Variants in IQCM observed in about 807,000 individuals in gnomAD.
IQCM encodes IQ domain-containing protein M.
Under a neutral mutation model 57.6 loss-of-function variants are expected in IQCM, and 45 were observed. The ratio of observed to expected loss-of-function variants is 0.78; its 90% CI spans 0.62 to 1.00. IQCM has a LOEUF of 1.00. Ranked by LOEUF, IQCM falls within the 50% of genes least tolerant of loss-of-function variation. The probability of loss-of-function intolerance (pLI) is 0.00; values close to 1 mark genes in which losing one functional copy is unlikely to be tolerated. For missense variants in IQCM, 468 were observed against 511.6 expected (o/e 0.91, Z 0.82); for synonymous variants, 148 against 158.9 (o/e 0.93, Z 0.51).
At chr4:149,774,037 T>C (rs532859961) in intron 2 of IQCM, among the ~76,000 whole-genome samples, 3 of 152,228 alleles carry the variant, frequency 2.0e-5, no homozygotes, top group Non-Finnish European at 4.4e-5. Flanking sequence ...ACATGGCTGA[T>C]TCTTTGTGCT....
chr4:149,774,629 T>C (rs1330791529), intron 2 of IQCM, among the ~76,000 whole-genome samples: 1 of 152,028 alleles, frequency 6.6e-6, no homozygotes, highest in East Asian at 1.9e-4. Flanking sequence ...CCTCTGCATA[T>C]ATACCTGGCT....
intron 12 of IQCM, among the ~76,000 whole-genome samples, chr4:149,530,565 AG>A (rs1388257741): frequency 1.3e-5 from 2 of 152,190 alleles, no homozygotes; most frequent in Non-Finnish European, 2.9e-5. Flanking sequence ...ATCATGGCAA[AG>A]GGACTGGAAA....
intron 12 of IQCM, among the ~76,000 whole-genome samples, chr4:149,462,893 T>C (rs566814628): frequency 6.6e-6 from 1 of 152,274 alleles, no homozygotes; most frequent in East Asian, 1.9e-4. Flanking sequence ...CTGCAGAGAA[T>C]GATTAGGCAA....
chr4:149,393,271 T>C (rs548552280), intron 13 of IQCM, among the ~76,000 whole-genome samples: 3 of 152,050 alleles, frequency 2.0e-5, no homozygotes, highest in South Asian at 2.1e-4. Flanking sequence ...AATATAATGA[T>C]TGAAATTATA....
chr4:149,459,321 T>G (rs528970388), intron 12 of IQCM, among the ~76,000 whole-genome samples: 1 of 152,240 alleles, frequency 6.6e-6, no homozygotes, highest in Non-Finnish European at 1.5e-5. Context: ...TGCCTGGCAC[T>G]TGGCAGGTAA....
At chr4:149,431,572 C>T (rs1010774431) in intron 13 of IQCM, among the ~76,000 whole-genome samples, 1 of 151,946 alleles carries the variant, frequency 6.6e-6, no homozygotes, top group Non-Finnish European at 1.5e-5. Flanking sequence ...TATGTCATCG[C>T]TATCATAATC....
chr4:149,704,316 C>T (rs1763993645), intron 5 of IQCM, among the ~76,000 whole-genome samples: 1 of 151,788 alleles, frequency 6.6e-6, no homozygotes, highest in Non-Finnish European at 1.5e-5. Flanking sequence ...CATATGATAC[C>T]AATGGGTTAG....
chr4:149,781,852 A>G (rs1487456240), intron 2 of IQCM, among the ~76,000 whole-genome samples: 2 of 152,202 alleles, frequency 1.3e-5, no homozygotes, highest in Non-Finnish European at 2.9e-5. Flanking sequence ...AAGGTCATGA[A>G]AAACCTCCAA....
chr4:149,656,666 G>GA (rs1759662859), intron 7 of IQCM, among the ~76,000 whole-genome samples: 1 of 152,024 alleles, frequency 6.6e-6, no homozygotes, highest in African/African-American at 2.4e-5. Context: ...AGAAGACCGG[G>GA]AAAAACAACA....
chr4:149,663,099 C>T (rs1463612018), intron 7 of IQCM, among the ~76,000 whole-genome samples: 1 of 151,894 alleles, frequency 6.6e-6, no homozygotes, highest in Non-Finnish European at 1.5e-5. Context: ...TACTATGGAA[C>T]TAACATAAAG....
intron 12 of IQCM, among the ~76,000 whole-genome samples, chr4:149,503,717 CA>C (rs1030614843): frequency 8.6e-5 from 13 of 151,698 alleles, no homozygotes; most frequent in African/African-American, 3.1e-4. Flanking sequence ...ATGAAATAGA[CA>C]AAAAATTTTT....
At chr4:149,557,136 G>A (rs1485880396) in intron 10 of IQCM, among the ~76,000 whole-genome samples, 1 of 152,138 alleles carries the variant, frequency 6.6e-6, no homozygotes, top group Non-Finnish European at 1.5e-5. Context: ...TGTCTCTGAT[G>A]TGAGCTCACC....
intron 12 of IQCM, among the ~76,000 whole-genome samples, chr4:149,443,255 G>C (rs752253059): frequency 1.3e-4 from 20 of 151,932 alleles, no homozygotes; most frequent in Non-Finnish European, 2.8e-4. Flanking sequence ...ATCGAATCTA[G>C]AAAATATCTT....
At chr4:149,546,671 G>GT (rs1357983317) in intron 12 of IQCM, among the ~76,000 whole-genome samples, 1 of 152,054 alleles carries the variant, frequency 6.6e-6, no homozygotes, top group African/African-American at 2.4e-5. Context: ...GGGGTTGTTT[G>GT]TTTTTTTCTT....
intron 10 of IQCM, among the ~76,000 whole-genome samples, chr4:149,558,075 G>A (rs988791376): frequency 6.6e-6 from 1 of 152,034 alleles, no homozygotes; most frequent in African/African-American, 2.4e-5. Context: ...GCACATTCTG[G>A]TTTTCTTCTT....
At position 149,762,933 on chromosome 4, in the gene IQCM, T is replaced by C. The variant is rs542639342; in HGVS notation, c.-48-20194A>G. 2.6e-5 allele frequency among the ~76,000 whole-genome samples: 4 copies of C among 152,180 alleles called. No individual in the cohort carries two copies. In the South Asian group the frequency reaches 6.2e-4, roughly 24 times the overall value. Reference sequence around the variant, plus strand: ...AACGTGTTAAATTTAAATACATATTTACATGAGGTGCACACATCCTCATGT... The same window carrying C: ...AACGTGTTAAATTTAAATACATATTCACATGAGGTGCACACATCCTCATGT... On this transcript the variant is annotated intron_variant, in intron 2 of 13. Transcript: ENST00000636793.
At chr4:149,789,344 C>T (rs758307609) in intron 2 of IQCM, among the ~76,000 whole-genome samples, 3 of 152,076 alleles carry the variant, frequency 2.0e-5, no homozygotes, top group Admixed American at 6.5e-5. Context: ...TCTGAGATAA[C>T]CCAAGGATCA....
chr4:149,608,416 T>C (rs1754986036), intron 8 of IQCM, among the ~76,000 whole-genome samples: 1 of 151,920 alleles, frequency 6.6e-6, no homozygotes, highest in Non-Finnish European at 1.5e-5. Flanking sequence ...CCAAATGAAC[T>C]GAATAGATAT....
chr4:149,489,738 C>T (rs1330394345), intron 12 of IQCM, among the ~76,000 whole-genome samples: 1 of 151,620 alleles, frequency 6.6e-6, no homozygotes, highest in Non-Finnish European at 1.5e-5. Context: ...ATTATGGGCT[C>T]AAGGATATCT....
Sources: gnomAD v4.1 joint callset for allele counts (sites outside exome capture counted in the v4.1 genomes callset) on GRCh38, gnomAD v4.1.1 for gene constraint, MANE v1.5 for transcripts, NCBI Gene and HGNC (gene_info 2026-07-23, HGNC 2026-07-21) for gene names.